The following ACACB variants were observed in gnomAD, a reference collection of about 807,000 sequenced individuals.
ACACB encodes acetyl-CoA carboxylase 2.
A neutral mutation model predicts 278.8 loss-of-function variants in ACACB; 209 were observed. That is an observed-to-expected ratio of 0.75 (90% confidence interval 0.67 to 0.84). The LOEUF (loss-of-function observed/expected upper bound fraction) is 0.84. Ranked by LOEUF, ACACB falls within the 40% of genes least tolerant of loss-of-function variation. ACACB has a pLI of 0.00. For missense variants in ACACB, 2,850 were observed against 3,269.0 expected, an observed-to-expected ratio of 0.87 and a Z score of 3.13; for synonymous variants, 1,174 against 1,285.6, an observed-to-expected ratio of 0.91 and a Z score of 1.86.
At chr12:109,253,960 A>C (rs762208847) in intron 43 of ACACB, among the ~76,000 whole-genome samples, 1 of 152,136 alleles carries the variant, frequency 6.6e-6, no homozygotes, top group African/African-American at 2.4e-5. Context: ...GCGTTTCTGT[A>C]ACTTCCCAGC....
At chr12:109,139,010 C>T (rs970091755) in intron 1 of ACACB, among the ~76,000 whole-genome samples, 1 of 152,216 alleles carries the variant, frequency 6.6e-6, no homozygotes, top group Non-Finnish European at 1.5e-5. Flanking sequence ...TCATCCCAAA[C>T]AGAAACCCTA....
At chr12:109,171,013 A>ATTTTTT (rs59371391) in intron 4 of ACACB, among the ~76,000 whole-genome samples, 38 of 106,516 alleles carry the variant, frequency 3.6e-4, no homozygotes, top group Non-Finnish European at 5.0e-4. Context: ...CTTTTTTTGG[A>ATTTTTT]TTTTTTTTTT....
intron 24 of ACACB, among the ~76,000 whole-genome samples, chr12:109,220,662 C>G (rs1350056856): frequency 6.6e-6 from 1 of 152,156 alleles, no homozygotes; most frequent in African/African-American, 2.4e-5. Context: ...AGTGATTCTC[C>G]TGCCTCAGCC....
upstream of ACACB, chr12:109,116,473 G>C (rs544833650): frequency 6.6e-6 from 1 of 152,302 alleles, no homozygotes; most frequent in East Asian, 1.9e-4. Flanking sequence ...GTGGTTTGAC[G>C]TGGGATCTTT....
intron 45 of ACACB, among the ~76,000 whole-genome samples, chr12:109,257,768 A>C (rs1177552638): frequency 1.3e-5 from 2 of 152,104 alleles, no homozygotes; most frequent in African/African-American, 4.8e-5. Flanking sequence ...ACAGGGTCTC[A>C]CTATGCTGTC....
chr12:109,209,139 G>A (rs760591133), intron 20 of ACACB, 26 bp from the exon 21 acceptor site: 1 of 1,567,442 alleles, frequency 6.4e-7, no homozygotes, highest in Non-Finnish European at 8.7e-7. Context: ...CAGGGCTGGG[G>A]GCTGATGCTG....
chr12:109,130,928 G>A (rs754396734), intron 1 of ACACB, among the ~76,000 whole-genome samples: 61 of 152,244 alleles, frequency 4.0e-4, no homozygotes, highest in African/African-American at 7.7e-4. Flanking sequence ...CTGGACAGGC[G>A]TCTGACAGAT....
intron 1 of ACACB, among the ~76,000 whole-genome samples, chr12:109,133,860 TATA>T (rs1457508200): frequency 4.5e-4 from 23 of 51,458 alleles, no homozygotes; most frequent in African/African-American, 1.9e-3. Flanking sequence ...TATATATATA[TATA>T]TTTTTTTTTT....
At chr12:109,129,826 G>A (rs1565847126) in intron 1 of ACACB, among the ~76,000 whole-genome samples, 1 of 152,252 alleles carries the variant, frequency 6.6e-6, no homozygotes, top group Non-Finnish European at 1.5e-5. Context: ...GACCAGGACT[G>A]ACAGGTGCTG....
intron 2 of ACACB, among the ~76,000 whole-genome samples, chr12:109,156,585 CTGTT>C (rs2043544157): frequency 9.6e-6 from 1 of 104,500 alleles, no homozygotes; most frequent in South Asian, 3.4e-4. Context: ...CTGTTTCTCT[CTGTT>C]TTTTTTTTTT....
chr12:109,237,102 A>G (rs2046651396), intron 33 of ACACB, 63 bp from the exon 34 acceptor site: 2 of 1,549,788 alleles, frequency 1.3e-6, no homozygotes, highest in Non-Finnish European at 1.8e-6. Context: ...CCAAGCAGGG[A>G]CGCAGCTCCA....
At position 109,227,350 on chromosome 12, in the gene ACACB, C is replaced by T. The variant is rs200714167; in HGVS notation, c.3883-21C>T. ...CTGCAGTGGCCCCTGAGAGAATGTC[C>T]GTGTGTTTCTGCCTTGTCAGGTTTA... On this transcript the variant is annotated intron_variant, in intron 27 of 52. Coordinates refer to ENST00000338432, the MANE Select transcript of ACACB (RefSeq NM_001093.4). 2.5e-4 allele frequency: 392 copies of T among 1,599,384 alleles called. 1 individual carries two copies. Among genetic ancestry groups the T allele is most frequent in the Non-Finnish European group, 3.1e-4 (358 of 1,171,426 alleles).
chr12:109,254,168 T>C lies in ACACB; in HGVS notation c.6046-46T>C, dbSNP rs144499105. The C allele has an allele frequency of 2.5e-6, 4 of 1,609,978 alleles. No homozygotes were observed. The African/African-American group carries it at 4.0e-5, about 16-fold the overall frequency. ...GCAAAGTGCTGATCAGAGGTATTAT[T>C]GACAAGCACCACAGACTAAGTCAGA... is the stretch of plus-strand genomic sequence containing the variant. On this transcript the variant is annotated intron_variant, in intron 43 of 52. Coordinates refer to ENST00000338432, the MANE Select transcript of ACACB (RefSeq NM_001093.4).
chr12:109,254,218 A>T lies in ACACB; in HGVS notation c.6050A>T (p.Asn2017Ile). The change falls in exon 44 of 53, where the codon AAT (asparagine) becomes ATT (isoleucine). Residue 2017 changes from asparagine (N) to isoleucine (I), a missense_variant. Physicochemically the swap from Asn to Ile is moderately radical, Grantham distance 149. Transcript: ENST00000338432. ...AGACTTGGCTTTCTTTTTTAGGATA[A>T]TCACAGCCCTGTCCCTATCATCACA... The part of the protein sequence containing the change: ...LEWLSYMPKD[N>I]HSPVPIITPT... 6.2e-7 allele frequency: 1 copy of T among 1,613,710 alleles called. No homozygotes were observed. Among genetic ancestry groups the T allele is most frequent in the African/African-American group, 1.3e-5 (1 of 74,966 alleles).
intron 2 of ACACB, among the ~76,000 whole-genome samples, chr12:109,157,233 C>G (rs1263780585): frequency 6.6e-6 from 1 of 151,680 alleles, no homozygotes; most frequent in Non-Finnish European, 1.5e-5. Flanking sequence ...GTTTCCACAT[C>G]TGTCCAAGGG....
chr12:109,138,388 C>T (rs891957379), intron 1 of ACACB, among the ~76,000 whole-genome samples: 9 of 152,074 alleles, frequency 5.9e-5, no homozygotes, highest in Middle Eastern at 3.2e-3. Flanking sequence ...AACAGTCTCC[C>T]GAGGCTTGTT....
intron 44 of ACACB, among the ~76,000 whole-genome samples, chr12:109,255,540 G>T (rs551940601): frequency 6.6e-6 from 1 of 152,334 alleles, no homozygotes; most frequent in East Asian, 1.9e-4. Context: ...ATGCCTGGGT[G>T]CCGGGCCTCC....
At position 109,253,165 on chromosome 12, in the gene ACACB, T is replaced by C; in HGVS notation, c.6045+7T>C. The C allele has an allele frequency of 6.4e-7, 1 of 1,558,920 alleles. No individual in the cohort carries two copies. The stretch of plus-strand genomic sequence containing the variant: ...GCTGTCCTATATGCCAAAGGTGCAG[T>C]ACTCCCCCTGCAGCTTAGAACCTGG... On this transcript the variant is annotated splice_region_variant and intron_variant, in intron 43 of 52. Transcript: ENST00000338432.
intron 1 of ACACB, among the ~76,000 whole-genome samples, chr12:109,123,285 C>T (rs2042596059): frequency 6.6e-6 from 1 of 152,058 alleles, no homozygotes; most frequent in Non-Finnish European, 1.5e-5. Flanking sequence ...CTGTATTTGT[C>T]ACCTGTAAAT....
Sources: allele counts gnomAD v4.1 joint callset (sites outside exome capture counted in the v4.1 genomes callset), GRCh38; gene constraint gnomAD v4.1.1; transcripts MANE v1.5; gene names NCBI Gene and HGNC (gene_info 2026-07-23, HGNC 2026-07-21).